Variants in USP26 observed in about 807,000 individuals in gnomAD.
USP26 encodes ubiquitin carboxyl-terminal hydrolase 26.
For synonymous variants in USP26, 236 were observed against 240.6 expected (o/e 0.98, Z 0.18); for missense variants, 649 against 642.3 (o/e 1.01, Z -0.11).
intron 5 of USP26, among the ~76,000 whole-genome samples, chrX:133,043,568 G>T (rs1441036722): frequency 1.8e-5 from 2 of 112,313 alleles, no homozygotes; most frequent in Admixed American, 1.9e-4. Context: ...CTTGACTAAG[G>T]AGCGCTGCCA....
intron 5 of USP26, among the ~76,000 whole-genome samples, chrX:133,043,206 G>T (rs959001261): frequency 4.5e-5 from 5 of 111,915 alleles, no homozygotes; most frequent in Non-Finnish European, 9.4e-5. Context: ...GCTGTACAGG[G>T]ATTCACTTGC....
intron 5 of USP26, among the ~76,000 whole-genome samples, chrX:133,041,312 T>C (rs768485672): frequency 1.8e-5 from 2 of 111,934 alleles, no homozygotes; most frequent in Non-Finnish European, 3.8e-5. Context: ...TGCTGGTTTT[T>C]CCTCATCTTC....
At chrX:133,047,637 T>A (rs2067445198) in intron 5 of USP26, among the ~76,000 whole-genome samples, 1 of 111,792 alleles carries the variant, frequency 8.9e-6, no homozygotes, top group Non-Finnish European at 1.9e-5. Context: ...GATGTTGAAA[T>A]CCTAACTCCA....
rs750894004 is a variant in USP26 at position 133,028,055 on chromosome X, T to C, written c.166A>G (p.Ile56Val). The C allele has an allele frequency of 2.5e-6, 3 of 1,210,482 alleles. No individual in the cohort carries two copies. The highest frequency in any genetic ancestry group is 2.2e-6 in the Non-Finnish European group (2 of 894,617). Residue 56 changes from isoleucine (I) to valine (V), a missense_variant, in exon 6 of 6, where the codon ATT becomes GTT. Transcript: ENST00000511190. Reference sequence around the variant, plus strand: ...TAGGATTTAAGGACTACATTTTGAATATTATCACTTAGCCGAAAAGTGCTA... The same window carrying C: ...TAGGATTTAAGGACTACATTTTGAACATTATCACTTAGCCGAAAAGTGCTA... ...KYSTFRLSDN[I>V]QNVVLKSYRG...
Position 133,026,631 on chromosome X carries a change from A to G in USP26, c.1590T>C (p.Cys530=), listed in dbSNP as rs2067350874. Residue 530 remains cysteine (C), a synonymous_variant, in exon 6 of 6, where the codon TGT becomes TGC. Transcript: ENST00000511190. ...HLKRYSLNEF[C]ALKKNDQEVI... ...CTTCCTGGTCATTCTTCTTTAATGCACAAAACTCATTCAAGCTATAGCGTT... is the reference window on the plus strand; with the variant it reads ...CTTCCTGGTCATTCTTCTTTAATGCGCAAAACTCATTCAAGCTATAGCGTT... 1 of 1,208,114 alleles carries G rather than the reference A, an allele frequency of 8.3e-7. No homozygotes were observed.
At chrX:133,070,043 CAA>C (rs886400452) in intron 5 of USP26, among the ~76,000 whole-genome samples, 1 of 111,375 alleles carries the variant, frequency 9.0e-6, no homozygotes, top group African/African-American at 3.3e-5. Flanking sequence ...GCAGAAGAGA[CAA>C]GAGGAAAGAT....
chrX:133,057,844 TTATA>T (rs1198872172), intron 5 of USP26, among the ~76,000 whole-genome samples: 15 of 30,664 alleles, frequency 4.9e-4, no homozygotes, highest in East Asian at 3.0e-3. Context: ...ATACTTTACA[TTATA>T]TATATATATA....
At chrX:133,030,339 TA>T (rs1300728295) in intron 5 of USP26, among the ~76,000 whole-genome samples, 8 of 110,277 alleles carry the variant, frequency 7.3e-5, no homozygotes, top group Non-Finnish European at 1.5e-4. Context: ...GTTGTCCAGT[TA>T]AAAAAAAACC....
intron 5 of USP26, among the ~76,000 whole-genome samples, chrX:133,034,076 G>A (rs1325247169): frequency 9.0e-6 from 1 of 111,402 alleles, no homozygotes; most frequent in African/African-American, 3.3e-5. Context: ...TGATTCCCAC[G>A]TTTGAGTTTT....
At chrX:133,063,648 G>C (rs1330166654) in intron 5 of USP26, among the ~76,000 whole-genome samples, 2 of 111,468 alleles carry the variant, frequency 1.8e-5, no homozygotes, top group African/African-American at 6.5e-5. Context: ...CAGTGAGGGA[G>C]AAATAAAAAC....
intron 5 of USP26, among the ~76,000 whole-genome samples, chrX:133,067,371 C>T (rs2067515222): frequency 1.8e-5 from 2 of 112,647 alleles, no homozygotes; most frequent in African/African-American, 6.4e-5. Context: ...AATCCCATTA[C>T]TGGGTATAGA....
intron 5 of USP26, 87 bp from the exon 6 acceptor site, chrX:133,028,383 G>C: frequency 3.3e-6 from 2 of 606,202 alleles, no homozygotes; most frequent in East Asian, 7.2e-5. Flanking sequence ...CTAGAGTCTA[G>C]TTCAGGTTCT....
At chrX:133,083,460 C>CG (rs2067576960) in intron 5 of USP26, among the ~76,000 whole-genome samples, 1 of 109,450 alleles carries the variant, frequency 9.1e-6, no homozygotes, top group Admixed American at 9.8e-5. Context: ...TCCAAGGAAA[C>CG]AGGACTTGTT....
At chrX:133,090,605 T>C (rs1188712731) in intron 3 of USP26, 113 bp downstream of exon 3, 2 of 112,199 alleles carry the variant, frequency 1.8e-5, no homozygotes, top group East Asian at 5.6e-4. Flanking sequence ...ATACCTTGCC[T>C]GAAAATTGAC....
chrX:133,071,411 T>C (rs761443185), intron 5 of USP26, among the ~76,000 whole-genome samples: 1 of 110,481 alleles, frequency 9.1e-6, no homozygotes, highest in East Asian at 2.8e-4. Context: ...AAATCTGATT[T>C]ATTTGAAAGG....
chrX:133,038,058 G>A (rs1602970864), intron 5 of USP26, among the ~76,000 whole-genome samples: 2 of 111,669 alleles, frequency 1.8e-5, no homozygotes, highest in African/African-American at 6.5e-5. Flanking sequence ...AGCTTAAGGA[G>A]ATTTGGGGCT....
chrX:133,029,236 G>C (rs1442353367), intron 5 of USP26, among the ~76,000 whole-genome samples: 1 of 112,463 alleles, frequency 8.9e-6, no homozygotes, highest in African/African-American at 3.2e-5. Context: ...TATTCTTCCT[G>C]AATCTTCTCT....
Position 133,036,502 on chromosome X carries a change from A to G in USP26, c.-76-8206T>C, listed in dbSNP as rs759866228. On this transcript the variant is annotated intron_variant, in intron 5 of 5. Transcript: ENST00000511190. ...CTTCATCCATGTCCCTGCAAAGGACATGAACTCATTCTTTTTTATGGCTGC... is the reference window on the plus strand; with the variant it reads ...CTTCATCCATGTCCCTGCAAAGGACGTGAACTCATTCTTTTTTATGGCTGC... Among the ~76,000 whole-genome samples the G allele has an allele frequency of 3.6e-5, 4 of 111,664 alleles. No homozygotes were observed. In the East Asian group the frequency reaches 1.1e-3, roughly 32 times the overall value.
chrX:133,042,054 T>A (rs2067421638), intron 5 of USP26, among the ~76,000 whole-genome samples: 1 of 111,643 alleles, frequency 9.0e-6, no homozygotes, highest in Non-Finnish European at 1.9e-5. Flanking sequence ...TGGATGCTCC[T>A]CCCCACATCA....
Sources: allele counts gnomAD v4.1 joint callset (sites outside exome capture counted in the v4.1 genomes callset), GRCh38; gene constraint gnomAD v4.1.1; transcripts MANE v1.5; gene names NCBI Gene and HGNC (gene_info 2026-07-23, HGNC 2026-07-21).